Variants in ULK4 observed in about 807,000 individuals in gnomAD.
The protein encoded by ULK4 is inactive serine/threonine-protein kinase ULK4.
Under a neutral mutation model 160.6 loss-of-function variants are expected in ULK4, and 133 were observed. That is an observed-to-expected ratio of 0.83 (90% CI 0.72 to 0.96). The LOEUF (loss-of-function observed/expected upper bound fraction) is 0.96. Ranked by LOEUF, ULK4 falls within the 40% of genes least tolerant of loss-of-function variation. The pLI is 0.00. For synonymous variants in ULK4, 534 were observed against 539.8 expected (o/e 0.99, Z 0.15); for missense variants, 1,580 against 1,499.5 (o/e 1.05, Z -0.89).
At chr3:41,451,297 G>T (rs1013847044) in intron 34 of ULK4, among the ~76,000 whole-genome samples, 2 of 151,920 alleles carry the variant, frequency 1.3e-5, no homozygotes, top group Admixed American at 1.3e-4. Context: ...CTATAAAGAA[G>T]GTTCCAAGAA....
chr3:41,874,429 G>A (rs1312515971), intron 17 of ULK4, among the ~76,000 whole-genome samples: 1 of 152,174 alleles, frequency 6.6e-6, no homozygotes, highest in Non-Finnish European at 1.5e-5. Flanking sequence ...TCAGTAGAAA[G>A]CTAAAGAACG....
chr3:41,318,473 T>C (rs2080187950), intron 35 of ULK4, among the ~76,000 whole-genome samples: 1 of 152,210 alleles, frequency 6.6e-6, no homozygotes, highest in South Asian at 2.1e-4. Context: ...TTCTTAAGTA[T>C]ACTTAAAACT....
At chr3:41,663,923 A>G (rs1575545166) in intron 29 of ULK4, among the ~76,000 whole-genome samples, 1 of 152,224 alleles carries the variant, frequency 6.6e-6, no homozygotes, top group Non-Finnish European at 1.5e-5. Flanking sequence ...AGACAAAAGG[A>G]AAAACAACTC....
chr3:41,289,547 G>A (rs1279729236), intron 35 of ULK4, among the ~76,000 whole-genome samples: 2 of 152,200 alleles, frequency 1.3e-5, no homozygotes, highest in East Asian at 3.9e-4. Context: ...GTTGACAAAT[G>A]GCCAAGACTG....
At chr3:41,330,329 T>C (rs141139140) in intron 35 of ULK4, among the ~76,000 whole-genome samples, 1 of 152,190 alleles carries the variant, frequency 6.6e-6, no homozygotes, top group East Asian at 1.9e-4. Context: ...TATCTGACAA[T>C]CTGAGCACTT....
At chr3:41,511,499 T>TTA (rs1315359541) in intron 32 of ULK4, among the ~76,000 whole-genome samples, 1 of 152,112 alleles carries the variant, frequency 6.6e-6, no homozygotes, top group Non-Finnish European at 1.5e-5. Context: ...TATTCAAGGC[T>TTA]ACTATGAGCA....
chr3:41,506,646 C>A (rs1317753836), intron 32 of ULK4, among the ~76,000 whole-genome samples: 3 of 150,784 alleles, frequency 2.0e-5, no homozygotes, highest in African/African-American at 7.3e-5. Context: ...GCTCTCTATT[C>A]CTGACTTTCG....
chr3:41,826,368 T>A (rs1014232366), intron 18 of ULK4, among the ~76,000 whole-genome samples: 1 of 152,094 alleles, frequency 6.6e-6, no homozygotes, highest in Non-Finnish European at 1.5e-5. Flanking sequence ...ACTGGCAAAC[T>A]GGATCAAGAG....
intron 32 of ULK4, among the ~76,000 whole-genome samples, chr3:41,521,948 G>T (rs1251275300): frequency 6.6e-6 from 1 of 151,966 alleles, no homozygotes; most frequent in Non-Finnish European, 1.5e-5. Context: ...TAACTTTTTT[G>T]GAAGATAGCT....
chr3:41,737,711 C>T lies in ULK4; in HGVS notation c.2321+16650G>A, dbSNP rs118144142. Among the ~76,000 whole-genome samples, 1,039 of 152,042 alleles carry T rather than the reference C, an allele frequency of 6.8e-3. 44 individuals carry two copies. The East Asian group carries it at 0.12, about 18-fold the overall frequency. The stretch of plus-strand genomic sequence containing the variant: ...TATGGAATGAATTTTTCCTCTTCTC[C>T]ATCTCCCTGCCAGAATCCTCAGCAA... On this transcript the variant is annotated intron_variant, in intron 22 of 36. Transcript: ENST00000301831.
At chr3:41,470,534 A>G (rs1004876689) in intron 32 of ULK4, among the ~76,000 whole-genome samples, 11 of 152,194 alleles carry the variant, frequency 7.2e-5, no homozygotes, top group African/African-American at 2.7e-4. Context: ...ACAAAACTCA[A>G]TGGTATAAGT....
chr3:41,435,942 C>T (rs542417496), intron 34 of ULK4, among the ~76,000 whole-genome samples: 3 of 124,094 alleles, frequency 2.4e-5, no homozygotes, highest in African/African-American at 6.2e-5. Flanking sequence ...AGCAAGACTC[C>T]GTCTCATTCA....
chr3:41,630,444 C>T (rs1268896846), intron 30 of ULK4, among the ~76,000 whole-genome samples: 2 of 152,112 alleles, frequency 1.3e-5, no homozygotes, highest in Non-Finnish European at 2.9e-5. Flanking sequence ...TTCTCTAAAC[C>T]AGCGAGTGAG....
chr3:41,749,814 G>A (rs1049754392), intron 22 of ULK4, among the ~76,000 whole-genome samples: 4 of 152,184 alleles, frequency 2.6e-5, no homozygotes, highest in Non-Finnish European at 5.9e-5. Context: ...ACTGATGGCA[G>A]AGGAGGGAAG....
chr3:41,807,295 T>C (rs775928552), intron 19 of ULK4, among the ~76,000 whole-genome samples: 2 of 152,186 alleles, frequency 1.3e-5, no homozygotes, highest in African/African-American at 2.4e-5. Context: ...TATAATACTC[T>C]GTTAATGATG....
chr3:41,760,180 T>C (rs908624849), intron 21 of ULK4, among the ~76,000 whole-genome samples: 1 of 152,168 alleles, frequency 6.6e-6, no homozygotes, highest in African/African-American at 2.4e-5. Context: ...GATGCAAGGA[T>C]GCTCAATATC....
intron 22 of ULK4, 145 bp downstream of exon 22, chr3:41,754,216 T>G: frequency 1.1e-6 from 1 of 905,230 alleles, no homozygotes. Context: ...ACTTCCAAGC[T>G]GAGATTACAG....
chr3:41,458,007 A>T lies in ULK4; in HGVS notation c.3394-2412T>A, dbSNP rs543336122. On this transcript the variant is annotated intron_variant, in intron 33 of 36. Coordinates refer to ENST00000301831, the MANE Select transcript of ULK4 (RefSeq NM_017886.4). ...TGGTGACAGATTAGATGTGGGATATAAAAAAAGAGGGAAATTTTAAGAACG... is the reference window on the plus strand; with the variant it reads ...TGGTGACAGATTAGATGTGGGATATTAAAAAAGAGGGAAATTTTAAGAACG... Among the ~76,000 whole-genome samples, 33 of 152,050 alleles carry T rather than the reference A, an allele frequency of 2.2e-4. No individual in the cohort carries two copies. The South Asian group carries it at 6.4e-3, about 30-fold the overall frequency.
At position 41,715,286 on chromosome 3, in the gene ULK4, C is replaced by T. The variant is rs368285458; in HGVS notation, c.2585G>A (p.Arg862Gln). Reference protein sequence around the residue: ...VLHLVTSQVFRPQVVTEEFLF... With the variant: ...VLHLVTSQVFQPQVVTEEFLF... ...AAACTCTTCTGTCACAACTTGAGGT[C>T]GAAATACCTGTGTGATGAGAGTTTC... Residue 862 changes from arginine to glutamine, a missense_variant, in exon 25 of 37, where the codon CGA becomes CAA. By Grantham distance (43) the Arg-to-Gln change is conservative. Coordinates refer to ENST00000301831, the MANE Select transcript of ULK4 (RefSeq NM_017886.4). 3.7e-6 allele frequency: 6 copies of T among 1,613,480 alleles called. No homozygotes were observed. In the African/African-American group the frequency reaches 6.7e-5, roughly 18 times the overall value.
Sources: allele counts gnomAD v4.1 joint callset (sites outside exome capture counted in the v4.1 genomes callset), GRCh38; gene constraint gnomAD v4.1.1; transcripts MANE v1.5; gene names NCBI Gene and HGNC (gene_info 2026-07-23, HGNC 2026-07-21).